The following SLC25A48 variants were observed in gnomAD, a reference collection of about 807,000 sequenced individuals.
SLC25A48 encodes the protein solute carrier family 25 member 48, also known as CTC-321K16.1.
A neutral mutation model predicts 32.2 loss-of-function variants in SLC25A48; 29 were observed. That is an observed-to-expected ratio of 0.90 (90% CI 0.67 to 1.23). The LOEUF (loss-of-function observed/expected upper bound fraction) is 1.23, where lower values mean the gene tolerates loss of function less well. SLC25A48 is among the 50% of genes most tolerant of loss of function. The pLI, the probability that SLC25A48 is intolerant of heterozygous loss-of-function variation, is 0.00. For missense variants in SLC25A48, 399 were observed against 422.7 expected, an observed-to-expected ratio of 0.94 and a Z score of 0.49; for synonymous variants, 164 against 172.3, an observed-to-expected ratio of 0.95 and a Z score of 0.38.
intron 3 of SLC25A48, among the ~76,000 whole-genome samples, chr5:135,708,917 C>A (rs569774327): frequency 2.8e-4 from 42 of 152,254 alleles, no homozygotes; most frequent in African/African-American, 8.9e-4. Flanking sequence ...GCTCCCTTTC[C>A]TTGTAGAATA....
At position 135,781,569 on chromosome 5, in the gene SLC25A48, A is replaced by G. The variant is rs1756717103; in HGVS notation, c.-520-30954A>G. ...GCGGAAGTATGATACTATTCCCAAT[A>G]TCGCAGTGGGTGTATAACTCCCTGA... On this transcript the variant is annotated intron_variant, in intron 3 of 10. Coordinates refer to the SLC25A48 transcript ENST00000646290. Among the ~76,000 whole-genome samples, 2 of 117,620 alleles carry G rather than the reference A, an allele frequency of 1.7e-5. 1 individual carries two copies. The highest frequency in any genetic ancestry group is 6.1e-4 in the South Asian group (2 of 3,296). The allele number at this position is 117,620 out of a possible 152,430, so 77.2% of individuals were successfully genotyped here.
At chr5:135,774,818 G>A (rs1297523150) in intron 3 of SLC25A48, among the ~76,000 whole-genome samples, 2 of 151,542 alleles carry the variant, frequency 1.3e-5, no homozygotes, top group East Asian at 1.9e-4. Flanking sequence ...TGAAAGGGGT[G>A]TACACACCCC....
intron 3 of SLC25A48, among the ~76,000 whole-genome samples, chr5:135,775,521 T>C (rs1344791715): frequency 1.3e-5 from 2 of 151,604 alleles, no homozygotes; most frequent in African/African-American, 4.8e-5. Flanking sequence ...ATAAAATTAC[T>C]CCAAATATCG....
At chr5:135,769,845 T>C (rs1756356683) in intron 3 of SLC25A48, among the ~76,000 whole-genome samples, 1 of 151,622 alleles carries the variant, frequency 6.6e-6, no homozygotes, top group Non-Finnish European at 1.5e-5. Flanking sequence ...TGTGATATTG[T>C]TCGTAATATC....
chr5:135,759,378 A>G (rs1756005597), intron 3 of SLC25A48, among the ~76,000 whole-genome samples: 1 of 152,144 alleles, frequency 6.6e-6, no homozygotes, highest in South Asian at 2.1e-4. Flanking sequence ...TATTTATTTG[A>G]CCATTCTCTA....
chr5:135,835,460 A>C (rs17687689), intron 1 of SLC25A48, among the ~76,000 whole-genome samples: 20,273 of 152,154 alleles, frequency 0.13, 1,768 homozygotes, highest in Middle Eastern at 0.2. Context: ...GCCAACCGTC[A>C]GCCATCGCCT....
chr5:135,779,764 A>G lies in SLC25A48; in HGVS notation c.-520-32759A>G, dbSNP rs2126620390. On this transcript the variant is annotated intron_variant, in intron 3 of 10. Coordinates refer to the SLC25A48 transcript ENST00000646290. The stretch of plus-strand genomic sequence containing the variant: ...AGGGGTTCTACACCCCCTTTGTAAT[A>G]CTGGTCTTAATATCCAACTGGGGAG... 1.7e-5 allele frequency among the ~76,000 whole-genome samples: 2 copies of G among 117,274 alleles called. 1 individual carries two copies. Among genetic ancestry groups the G allele is most frequent in the African/African-American group, 5.2e-5 (2 of 38,730 alleles). 76.9% of individuals were successfully genotyped at this position (117,274 alleles called of 152,430 possible).
rs993192775 is a variant in SLC25A48 at position 135,629,627 on chromosome 5, C to G, written c.-709+251C>G. On this transcript the variant is annotated intron_variant, in intron 2 of 10. Transcript: ENST00000646290. This position sits in a 1 kb window ranked among gnomAD's most constrained non-coding sequence, Gnocchi z 4.8. ...AAAGATGTGTTAGCCAGCAGGCTGA[C>G]TCTGTGGGCGCCTGAGGATGCATCA... Among the ~76,000 whole-genome samples, 3 of 152,200 alleles carry G rather than the reference C, an allele frequency of 2.0e-5. No individual in the cohort carries two copies. The highest frequency in any genetic ancestry group is 2.9e-5 in the Non-Finnish European group (2 of 68,040).
chr5:135,711,491 C>T (rs890718353), intron 3 of SLC25A48, among the ~76,000 whole-genome samples: 1 of 152,152 alleles, frequency 6.6e-6, no homozygotes, highest in Non-Finnish European at 1.5e-5. Flanking sequence ...TGCTTTTGGC[C>T]TCATGGGTAT....
At chr5:135,641,782 T>C (rs1752842945) in intron 3 of SLC25A48, among the ~76,000 whole-genome samples, 1 of 152,250 alleles carries the variant, frequency 6.6e-6, no homozygotes, top group Non-Finnish European at 1.5e-5. Context: ...AGTATCTGTC[T>C]CTGGGGCTCT....
intron 3 of SLC25A48, among the ~76,000 whole-genome samples, chr5:135,723,241 T>C (rs1473766108): frequency 1.3e-5 from 2 of 152,110 alleles, no homozygotes; most frequent in Non-Finnish European, 2.9e-5. Flanking sequence ...AGCCCAACAA[T>C]GGGTTTTCAT....
At chr5:135,886,739 C>CTGT (rs1297544855) in intron 7 of SLC25A48, among the ~76,000 whole-genome samples, 1 of 146,636 alleles carries the variant, frequency 6.8e-6, no homozygotes, top group Admixed American at 6.9e-5. Context: ...GTGGCCAGTG[C>CTGT]TGTTACAGGC....
chr5:135,780,160 CTTTTTTTTTTT>C lies in SLC25A48; in HGVS notation c.-520-32348_-520-32338del, dbSNP rs34277772. 2.3e-4 allele frequency among the ~76,000 whole-genome samples: 9 copies of C among 38,840 alleles called. 3 individuals are homozygous for C. Among genetic ancestry groups the C allele is most frequent in the South Asian group, 3.2e-3 (2 of 632 alleles). 25.5% of individuals were successfully genotyped at this position (38,840 alleles called of 152,430 possible). A position where few individuals can be genotyped will look rare whatever the true frequency, so the allele number is the denominator to read the frequency against. On this transcript the variant is annotated intron_variant, in intron 3 of 10. Transcript: ENST00000646290. ...CGTGCCTGTGTTATTGTTTCTTCGT[CTTTTTTTTTTT>C]TTTTTTTTTTTTTTGAGACATTCTC...
intron 4 of SLC25A48, among the ~76,000 whole-genome samples, chr5:135,825,423 A>G (rs1163412004): frequency 6.6e-6 from 1 of 152,138 alleles, no homozygotes; most frequent in South Asian, 2.1e-4. Flanking sequence ...CTGCAGAGAC[A>G]GAGGAGGCAA....
intron 3 of SLC25A48, among the ~76,000 whole-genome samples, chr5:135,755,812 T>G (rs374867082): frequency 1.3e-5 from 2 of 151,742 alleles, no homozygotes; most frequent in South Asian, 4.2e-4. Context: ...GCTGCGACAT[T>G]TATCTCATAT....
intron 1 of SLC25A48, among the ~76,000 whole-genome samples, chr5:135,840,667 C>A (rs576456497): frequency 6.6e-6 from 1 of 152,200 alleles, no homozygotes; most frequent in Non-Finnish European, 1.5e-5. Context: ...TCACACAATA[C>A]CTTGCCTTTT....
intron 4 of SLC25A48, chr5:135,825,251 C>T (rs1424480208): frequency 6.6e-6 from 1 of 152,206 alleles, no homozygotes; most frequent in Non-Finnish European, 1.5e-5. Flanking sequence ...ACAAGCCGTA[C>T]TATTATTCCC....
chr5:135,642,899 CCACAGGACTAAG>C (rs1752873879), intron 3 of SLC25A48, among the ~76,000 whole-genome samples: 1 of 152,154 alleles, frequency 6.6e-6, no homozygotes, highest in African/African-American at 2.4e-5. Flanking sequence ...CAGATGGTAT[CCACAGGACTAAG>C]CACATCACTT....
intron 3 of SLC25A48, among the ~76,000 whole-genome samples, chr5:135,685,621 CG>C (rs915725924): frequency 1.3e-4 from 20 of 152,000 alleles, no homozygotes; most frequent in Non-Finnish European, 2.9e-4. Context: ...TTAGTAGAGA[CG>C]GGGTTTCACC....
Sources: allele counts gnomAD v4.1 joint callset (sites outside exome capture counted in the v4.1 genomes callset), GRCh38; gene constraint gnomAD v4.1.1; non-coding constraint Gnocchi (gnomAD v3.1); transcripts MANE v1.5; gene names NCBI Gene and HGNC (gene_info 2026-07-23, HGNC 2026-07-21).